Variants in WDR7 observed in about 807,000 individuals in gnomAD.
The protein encoded by WDR7 is WD repeat domain 7, also known as WD repeat-containing protein 7.
WDR7 carries 46 observed loss-of-function variants against 169.4 expected under a neutral mutation model. The observed-to-expected ratio is 0.27, with a 90% CI of 0.21 to 0.35. WDR7 has a LOEUF of 0.35. Among genes scored for constraint, WDR7 ranks in the 10% least tolerant of loss-of-function variants. WDR7 has a pLI of 1.00. For synonymous variants in WDR7, 612 were observed against 666.8 expected, an observed-to-expected ratio of 0.92 and a Z score of 1.27; for missense variants, 1,534 against 1,859.3, an observed-to-expected ratio of 0.83 and a Z score of 3.22.
intron 13 of WDR7, among the ~76,000 whole-genome samples, chr18:56,719,958 C>T (rs1022867225): frequency 3.3e-5 from 5 of 152,026 alleles, no homozygotes; most frequent in African/African-American, 1.2e-4. Flanking sequence ...CAATTGTAAG[C>T]TTGTGTGTGT....
At chr18:56,787,773 A>G (rs549808465) in intron 19 of WDR7, among the ~76,000 whole-genome samples, 1 of 152,366 alleles carries the variant, frequency 6.6e-6, no homozygotes, top group African/African-American at 2.4e-5. Flanking sequence ...TTCTGAGCAC[A>G]AATGTGGATG....
intron 12 of WDR7, among the ~76,000 whole-genome samples, chr18:56,714,925 T>C (rs1253997730): frequency 6.6e-6 from 1 of 152,218 alleles, no homozygotes; most frequent in Non-Finnish European, 1.5e-5. Context: ...AATCTACTTT[T>C]TAAAGCAGAT....
At chr18:56,861,247 C>A (rs187562838) in intron 20 of WDR7, among the ~76,000 whole-genome samples, 1 of 152,068 alleles carries the variant, frequency 6.6e-6, no homozygotes, top group Non-Finnish European at 1.5e-5. Context: ...TTTTTCATGC[C>A]GGCGTGTGAG....
chr18:56,665,486 G>A (rs201807154), intron 1 of WDR7, among the ~76,000 whole-genome samples: 5,162 of 27,872 alleles, frequency 0.19, 285 homozygotes, highest in African/African-American at 0.19. Context: ...CTCTTAAAAG[G>A]CAGTCATATT....
At chr18:56,843,857 CTTTT>C (rs776575088) in intron 20 of WDR7, among the ~76,000 whole-genome samples, 2 of 134,330 alleles carry the variant, frequency 1.5e-5, no homozygotes, top group Admixed American at 7.4e-5. Flanking sequence ...TTTTTTCTTT[CTTTT>C]TTTTTTTTTT....
intron 2 of WDR7, among the ~76,000 whole-genome samples, chr18:56,674,688 A>C (rs113138344): frequency 0.096 from 14,670 of 152,058 alleles, 867 homozygotes; most frequent in Non-Finnish European, 0.13. Flanking sequence ...AGTTCAGTTT[A>C]TCTTTTTCCT....
intron 13 of WDR7, among the ~76,000 whole-genome samples, chr18:56,725,621 G>T (rs886348997): frequency 1.1e-4 from 17 of 152,136 alleles, no homozygotes; most frequent in Admixed American, 1.0e-3. Flanking sequence ...CACTCTTGAT[G>T]GTAGTTTCTT....
At chr18:56,863,474 A>G (rs761453115) in intron 20 of WDR7, among the ~76,000 whole-genome samples, 43 of 151,674 alleles carry the variant, frequency 2.8e-4, no homozygotes, top group Non-Finnish European at 4.3e-4. Context: ...GAAGGAGTGT[A>G]CCTCTACAAG....
intron 19 of WDR7, among the ~76,000 whole-genome samples, chr18:56,805,431 G>A (rs563773412): frequency 4.6e-5 from 7 of 152,154 alleles, no homozygotes; most frequent in South Asian, 4.1e-4. Flanking sequence ...AGAGATTTTC[G>A]TCATTTGGAG....
intron 14 of WDR7, among the ~76,000 whole-genome samples, chr18:56,740,477 T>C (rs185127356): frequency 6.2e-4 from 94 of 151,466 alleles, no homozygotes; most frequent in African/African-American, 2.2e-3. Context: ...TACCAGACAT[T>C]GTAGGTAAAA....
intron 19 of WDR7, among the ~76,000 whole-genome samples, chr18:56,789,441 G>A (rs957834323): frequency 2.0e-5 from 3 of 152,234 alleles, no homozygotes; most frequent in African/African-American, 7.2e-5. Context: ...CGCACAAGCG[G>A]TCCTCTAACA....
intron 20 of WDR7, among the ~76,000 whole-genome samples, chr18:56,833,946 G>A (rs548917109): frequency 6.6e-6 from 1 of 152,304 alleles, no homozygotes; most frequent in South Asian, 2.1e-4. Context: ...GTTCAGCTTA[G>A]CTATGTCCTC....
chr18:56,685,932 C>CT, intron 5 of WDR7, 24 bp from the exon 6 acceptor site: 1 of 1,585,706 alleles, frequency 6.3e-7, no homozygotes, highest in Non-Finnish European at 8.6e-7. Flanking sequence ...ACCTGGGCTG[C>CT]TTTTTTGTCC....
At chr18:56,673,214 A>G (rs1404118752) in intron 2 of WDR7, among the ~76,000 whole-genome samples, 1 of 151,954 alleles carries the variant, frequency 6.6e-6, no homozygotes. Context: ...TAATTCCAAC[A>G]TAACACCACA....
chr18:56,858,669 T>C (rs1306424396), intron 20 of WDR7, among the ~76,000 whole-genome samples: 2 of 152,160 alleles, frequency 1.3e-5, no homozygotes, highest in Non-Finnish European at 2.9e-5. Context: ...ATCTCTATCT[T>C]GGGCCAAATT....
chr18:56,888,798 C>CCCGAGGCAGCAGACT (rs1398650479), intron 21 of WDR7, among the ~76,000 whole-genome samples: 1 of 152,130 alleles, frequency 6.6e-6, no homozygotes, highest in African/African-American at 2.4e-5. Context: ...TAAGTCATTT[C>CCCGAGGCAGCAGACT]CCGAGGCAGC....
At chr18:56,862,412 T>C (rs2045819833) in intron 20 of WDR7, among the ~76,000 whole-genome samples, 1 of 151,544 alleles carries the variant, frequency 6.6e-6, no homozygotes, top group Admixed American at 6.6e-5. Flanking sequence ...CTTAATTTTA[T>C]ACAGTCAACT....
intron 20 of WDR7, among the ~76,000 whole-genome samples, chr18:56,823,356 T>A (rs2045135187): frequency 6.6e-6 from 1 of 152,150 alleles, no homozygotes; most frequent in Non-Finnish European, 1.5e-5. Context: ...GGCCTGCGGA[T>A]CATCTGAGGT....
At chr18:56,835,845 G>A (rs1354991703) in intron 20 of WDR7, among the ~76,000 whole-genome samples, 1 of 152,066 alleles carries the variant, frequency 6.6e-6, no homozygotes, top group Non-Finnish European at 1.5e-5. Flanking sequence ...GTTGGTTTGG[G>A]ATAAAAAATA....
Sources: gnomAD v4.1 joint callset for allele counts (sites outside exome capture counted in the v4.1 genomes callset) on GRCh38, gnomAD v4.1.1 for gene constraint, MANE v1.5 for transcripts, NCBI Gene and HGNC (gene_info 2026-07-23, HGNC 2026-07-21) for gene names.